Variants in FMN2 observed in about 807,000 individuals in gnomAD.
FMN2 encodes formin 2.
In FMN2, 51 loss-of-function variants were observed where a neutral mutation model predicts 142.3. The ratio of observed to expected loss-of-function variants is 0.36; its 90% CI spans 0.29 to 0.45. FMN2 has a LOEUF of 0.45. Among genes scored for constraint, FMN2 ranks in the 20% least tolerant of loss-of-function variants. The pLI, the probability that FMN2 is intolerant of heterozygous loss-of-function variation, is 1.00. For missense variants in FMN2, 1,936 were observed against 2,122.8 expected, an observed-to-expected ratio of 0.91 and a Z score of 1.73; for synonymous variants, 882 against 869.8, an observed-to-expected ratio of 1.01 and a Z score of -0.25.
At chr1:240,253,157 G>A (rs889372355) in intron 6 of FMN2, among the ~76,000 whole-genome samples, 1 of 151,736 alleles carries the variant, frequency 6.6e-6, no homozygotes, top group African/African-American at 2.4e-5. Flanking sequence ...TTTAAGTAGA[G>A]ATGGGGTTTT....
At chr1:240,134,459 A>G (rs57751583) in intron 2 of FMN2, among the ~76,000 whole-genome samples, 2,486 of 152,134 alleles carry the variant, frequency 0.016, 50 homozygotes, top group African/African-American at 0.057. Flanking sequence ...CTCTGTCTTT[A>G]CAAAAAATTT....
chr1:240,145,169 GA>G, intron 2 of FMN2: 5 of 1,464,180 alleles, frequency 3.4e-6, no homozygotes, highest in Non-Finnish European at 4.8e-6. Flanking sequence ...TCGATACAGG[GA>G]TGTGTCCTTC....
At chr1:240,307,771 G>A (rs915118112) in intron 8 of FMN2, among the ~76,000 whole-genome samples, 1 of 152,090 alleles carries the variant, frequency 6.6e-6, no homozygotes, top group African/African-American at 2.4e-5. Flanking sequence ...CTAATTCTGT[G>A]AAAAATGATG....
In FMN2 at chr1:240,465,384, G is replaced by GTC. The variant is rs1553268383; in HGVS notation, c.5061-6987_5061-6986insCT. ...TGTGTGTGTGTGTGTGTGTGTGTGT[G>GTC]TGTCTGTCTTTCTCTTTTTTCTCTC... On this transcript the variant is annotated intron_variant, in intron 16 of 17. Coordinates refer to ENST00000319653, the MANE Select transcript of FMN2 (RefSeq NM_020066.5). Among the ~76,000 whole-genome samples, 848 of 129,002 alleles carry GTC rather than the reference G, an allele frequency of 6.6e-3. 15 individuals are homozygous for GTC. The highest frequency in any genetic ancestry group is 0.023 in the African/African-American group (817 of 36,006). 84.6% of individuals were successfully genotyped at this position (129,002 alleles called of 152,430 possible).
intron 3 of FMN2, among the ~76,000 whole-genome samples, chr1:240,182,418 G>A (rs1665190620): frequency 6.6e-6 from 1 of 152,182 alleles, no homozygotes; most frequent in Admixed American, 6.5e-5. Context: ...ATATATGGAA[G>A]AGGATCTGGT....
At chr1:240,299,123 T>A (rs2102969345) in intron 8 of FMN2, among the ~76,000 whole-genome samples, 1 of 152,240 alleles carries the variant, frequency 6.6e-6, no homozygotes, top group East Asian at 1.9e-4. Context: ...AATTTTTGTA[T>A]TTTTAGGAGA....
chr1:240,419,277 A>G (rs1373482864), intron 15 of FMN2, among the ~76,000 whole-genome samples: 3 of 152,166 alleles, frequency 2.0e-5, no homozygotes, highest in East Asian at 3.9e-4. Context: ...TTTCAGTGCT[A>G]TCTCTTTTCT....
intron 10 of FMN2, 134 bp downstream of exon 10, chr1:240,329,602 G>T: frequency 8.3e-7 from 1 of 1,200,576 alleles, no homozygotes; most frequent in Non-Finnish European, 1.2e-6. Flanking sequence ...CCCACAGAAG[G>T]GAACATTTTA....
At chr1:240,338,121 C>T (rs756880524) in intron 13 of FMN2, among the ~76,000 whole-genome samples, 1 of 152,208 alleles carries the variant, frequency 6.6e-6, no homozygotes. Flanking sequence ...AGAATGTTCT[C>T]ATGCAAATTC....
intron 13 of FMN2, among the ~76,000 whole-genome samples, chr1:240,342,534 T>G (rs1012305796): frequency 9.9e-5 from 15 of 152,194 alleles, no homozygotes; most frequent in African/African-American, 3.6e-4. Context: ...TATCTCTGGT[T>G]GTTTCCATAA....
chr1:240,161,826 A>G (rs1192934479), intron 2 of FMN2, among the ~76,000 whole-genome samples: 2 of 152,204 alleles, frequency 1.3e-5, no homozygotes, highest in Non-Finnish European at 2.9e-5. Flanking sequence ...TTCTAGGATG[A>G]TTATAAATGT....
In FMN2 at chr1:240,447,996, C is replaced by T. The variant is rs756215149; in HGVS notation, c.5060+9786C>T. Among the ~76,000 whole-genome samples the T allele has an allele frequency of 1.2e-3, 178 of 152,232 alleles. 1 individual carries two copies. Among genetic ancestry groups the T allele is most frequent in the Non-Finnish European group, 2.1e-3 (145 of 68,018 alleles). ...GAACATACTGACAACCTTCAGTGAT[C>T]GTTATTCAGAGTGTTCACAGTTTTG... On this transcript the variant is annotated intron_variant, in intron 16 of 17. Coordinates refer to ENST00000319653, the MANE Select transcript of FMN2 (RefSeq NM_020066.5).
chr1:240,143,399 C>G, intron 2 of FMN2: 1 of 1,428,886 alleles, frequency 7.0e-7, no homozygotes, highest in Non-Finnish European at 9.9e-7. Context: ...ATCTCCCCCA[C>G]AGCAATAAGG....
intron 2 of FMN2, among the ~76,000 whole-genome samples, chr1:240,174,695 G>GT (rs1452910900): frequency 2.6e-4 from 39 of 152,170 alleles, no homozygotes; most frequent in African/African-American, 8.7e-4. Context: ...AGCCATCACA[G>GT]TATCCATGTT....
chr1:240,305,339 G>C (rs1490400500), intron 8 of FMN2, among the ~76,000 whole-genome samples: 2 of 152,088 alleles, frequency 1.3e-5, no homozygotes, highest in Non-Finnish European at 2.9e-5. Context: ...ATTCAATCTA[G>C]GTTTTGCTGA....
chr1:240,346,112 A>T (rs1488434949), intron 13 of FMN2, among the ~76,000 whole-genome samples: 1 of 152,186 alleles, frequency 6.6e-6, no homozygotes, highest in Non-Finnish European at 1.5e-5. Context: ...AAGTTCAAAT[A>T]TATAGACAAG....
intron 2 of FMN2, chr1:240,171,237 C>T: frequency 1.3e-6 from 1 of 772,422 alleles, no homozygotes; most frequent in Admixed American, 1.7e-5. Context: ...ATGAAATTAA[C>T]AAAGCCTTTG....
intron 6 of FMN2, among the ~76,000 whole-genome samples, chr1:240,239,550 A>G (rs1015770168): frequency 6.6e-6 from 1 of 152,186 alleles, no homozygotes; most frequent in Admixed American, 6.5e-5. Flanking sequence ...CATTTCTAGG[A>G]ATAAAGATTG....
In FMN2 at chr1:240,188,186, T is replaced by A. The variant is rs1180941214; in HGVS notation, c.1931-21T>A. 7.4e-6 allele frequency: 12 copies of A among 1,612,956 alleles called. No individual in the cohort carries two copies. The South Asian group carries it at 7.7e-5, about 10-fold the overall frequency. On this transcript the variant is annotated intron_variant, in intron 3 of 17. Transcript: ENST00000319653. ...AAATTGTCCTTTAAGATACTGACTG[T>A]CTGCTTCCTTTCCAATCTAGAATCT...
Sources: allele counts gnomAD v4.1 joint callset (sites outside exome capture counted in the v4.1 genomes callset), GRCh38; gene constraint gnomAD v4.1.1; transcripts MANE v1.5; gene names NCBI Gene and HGNC (gene_info 2026-07-23, HGNC 2026-07-21).